The following CD300LB variants were observed in gnomAD, a reference collection of about 807,000 sequenced individuals.
CD300LB encodes CMRF35-like molecule 7.
Under a neutral mutation model 20.8 loss-of-function variants are expected in CD300LB, and 18 were observed. The ratio of observed to expected loss-of-function variants is 0.87; its 90% CI spans 0.60 to 1.28. CD300LB has a LOEUF of 1.28. Among genes scored for constraint, CD300LB ranks in the 50% most tolerant of loss-of-function variants. The pLI is 0.00. For missense variants in CD300LB, 222 were observed against 251.8 expected (o/e 0.88, Z 0.80); for synonymous variants, 91 against 91.3 (o/e 1.00, Z 0.02).
chr17:74,526,438 C>T (rs1908039358), intron 1 of CD300LB, among the ~76,000 whole-genome samples: 1 of 152,212 alleles, frequency 6.6e-6, no homozygotes, highest in South Asian at 2.1e-4. Flanking sequence ...AGGAGCTGGG[C>T]ACGGTGGCTC....
chr17:74,526,599 G>T (rs1398541514), intron 1 of CD300LB, among the ~76,000 whole-genome samples: 2 of 152,210 alleles, frequency 1.3e-5, no homozygotes. Flanking sequence ...TGTAGTCTCA[G>T]CTATGCGGGA....
intron 1 of CD300LB, among the ~76,000 whole-genome samples, chr17:74,527,632 G>A (rs945527334): frequency 2.0e-4 from 30 of 152,188 alleles, no homozygotes; most frequent in African/African-American, 7.0e-4. Flanking sequence ...AGAATATCCC[G>A]AATAATCTCC....
chr17:74,530,795 C>T (rs956226408), intron 1 of CD300LB, among the ~76,000 whole-genome samples: 4 of 147,944 alleles, frequency 2.7e-5, no homozygotes, highest in African/African-American at 9.8e-5. Context: ...ACTAAGCCAT[C>T]TGGAGTCTTT....
chr17:74,528,647 T>C (rs908903470), intron 1 of CD300LB, among the ~76,000 whole-genome samples: 5 of 150,040 alleles, frequency 3.3e-5, no homozygotes, highest in Non-Finnish European at 7.4e-5. Flanking sequence ...TTTTTTTTTC[T>C]TCTTTCAGTC....
In CD300LB at chr17:74,522,490, T is replaced by C. The variant is rs908865160; in HGVS notation, c.*248A>G. On this transcript the variant is annotated 3_prime_UTR_variant, in exon 4 of 4. Transcript: ENST00000392621. ...AGAGTCGTCCAGTGCTTGAGCTCCA[T>C]CTCTACAGCTCCTGACCAAGAGAAC... The C allele has an allele frequency of 4.0e-6, 5 of 1,251,886 alleles. No individual in the cohort carries two copies. Among genetic ancestry groups the C allele is most frequent in the Non-Finnish European group, 5.1e-6 (5 of 989,460 alleles). The allele number at this position is 1,251,886 out of a possible 1,614,324, so 77.5% of individuals were successfully genotyped here. A position where few individuals can be genotyped will look rare whatever the true frequency, so the allele number is the denominator to read the frequency against.
rs932701191 is a variant in CD300LB at position 74,522,572 on chromosome 17, T to C, written c.*166A>G. The C allele has an allele frequency of 1.1e-5, 16 of 1,426,594 alleles. No homozygotes were observed. The highest frequency in any genetic ancestry group is 1.5e-5 in the Non-Finnish European group (16 of 1,091,770). The allele number at this position is 1,426,594 out of a possible 1,614,324, so 88.4% of individuals were successfully genotyped here. ...TCAGGAGAGGACCTGGCTAAGTCCC[T>C]GAGCTGTGCAGAACAGGGAGGTGCC... is the stretch of plus-strand genomic sequence containing the variant. On this transcript the variant is annotated 3_prime_UTR_variant, in exon 4 of 4. Coordinates refer to ENST00000392621, the MANE Select transcript of CD300LB (RefSeq NM_174892.4).
chr17:74,527,011 A>C (rs937164019), intron 1 of CD300LB, among the ~76,000 whole-genome samples: 3 of 152,222 alleles, frequency 2.0e-5, no homozygotes, highest in African/African-American at 7.2e-5. Flanking sequence ...TTTGCAGCTC[A>C]GACTCCCCTT....
chr17:74,527,265 G>A (rs1908063963), intron 1 of CD300LB, among the ~76,000 whole-genome samples: 1 of 152,018 alleles, frequency 6.6e-6, no homozygotes, highest in Non-Finnish European at 1.5e-5. Flanking sequence ...GTGTAGATAG[G>A]CTCTTTCCTT....
chr17:74,521,463 C>T lies in CD300LB; in HGVS notation c.*1275G>A, dbSNP rs533084730. The T allele has an allele frequency of 9.1e-6, 9 of 985,482 alleles. 1 individual carries two copies. In the African/African-American group the frequency reaches 1.4e-4, roughly 15 times the overall value. 61.0% of individuals were successfully genotyped at this position (985,482 alleles called of 1,614,324 possible). A position where few individuals can be genotyped will look rare whatever the true frequency, so the allele number is the denominator to read the frequency against. ...GGGATCTTAGCCGGGCTCGAACTCTCCTCTCTGGCCATTATGGAATTTTCA... is the reference window on the plus strand; with the variant it reads ...GGGATCTTAGCCGGGCTCGAACTCTTCTCTCTGGCCATTATGGAATTTTCA... On this transcript the variant is annotated 3_prime_UTR_variant, in exon 4 of 4. Coordinates refer to ENST00000392621, the MANE Select transcript of CD300LB (RefSeq NM_174892.4).
rs1240244116 is a variant in CD300LB, at chr17:74,522,155, G to A, written c.*583C>T. The A allele has an allele frequency of 1.0e-6, 1 of 985,378 alleles. No homozygotes were observed. Among genetic ancestry groups the A allele is most frequent in the Non-Finnish European group, 1.2e-6 (1 of 829,996 alleles). The allele number at this position is 985,378 out of a possible 1,614,324, so 61.0% of individuals were successfully genotyped here. ...TTCCCATTGCCTCCTCAGCCCTGTG[G>A]ACTCAGAGCCATGTCCTCCCTGGGG... On this transcript the variant is annotated 3_prime_UTR_variant, in exon 4 of 4. Transcript: ENST00000392621.
In CD300LB at chr17:74,531,242, G is replaced by A. The variant is rs1908203679; in HGVS notation, c.40+69C>T. On this transcript the variant is annotated intron_variant, in intron 1 of 3. Transcript: ENST00000392621. ...ACCTCTCATTTCCCTGGATGTGGAA[G>A]GACAAATGCCCTCTGCCTCCTGCCC... The A allele has an allele frequency of 2.8e-6, 4 of 1,443,652 alleles. No homozygotes were observed. In the East Asian group the frequency reaches 8.0e-5, roughly 29 times the overall value. 89.4% of individuals were successfully genotyped at this position (1,443,652 alleles called of 1,614,324 possible). A position where few individuals can be genotyped will look rare whatever the true frequency, so the allele number is the denominator to read the frequency against.
intron 1 of CD300LB, among the ~76,000 whole-genome samples, chr17:74,527,163 G>A (rs1028094877): frequency 6.6e-6 from 1 of 152,224 alleles, no homozygotes; most frequent in Non-Finnish European, 1.5e-5. Context: ...TGTGGCAAGA[G>A]TAACAAAGGC....
At chr17:74,527,098 C>G (rs1449328075) in intron 1 of CD300LB, among the ~76,000 whole-genome samples, 1 of 152,244 alleles carries the variant, frequency 6.6e-6, no homozygotes, top group African/African-American at 2.4e-5. Flanking sequence ...AATGCACTTC[C>G]TCTCCCACCC....
At position 74,522,727 on chromosome 17, in the gene CD300LB, G is replaced by T. The variant is rs1208160033; in HGVS notation, c.*11C>A. ...GTGGCCAGGGCAGGAAGGCTCTGCA[G>T]ATCCATCTCTCTAAGTGGCCATGTC... On this transcript the variant is annotated 3_prime_UTR_variant, in exon 4 of 4. Transcript: ENST00000392621. The T allele has an allele frequency of 1.2e-6, 2 of 1,614,090 alleles. No homozygotes were observed. The highest frequency in any genetic ancestry group is 2.2e-5 in the South Asian group (2 of 91,074).
At position 74,524,326 on chromosome 17, in the gene CD300LB, C is replaced by T. The variant is rs572952729; in HGVS notation, c.371-675G>A. ...CAGGCTGTCCAGGCACGGTGGTTCA[C>T]GCCTGTAATCCCAGCACTTTGGAAG... On this transcript the variant is annotated intron_variant, in intron 2 of 3. Coordinates refer to ENST00000392621, the MANE Select transcript of CD300LB (RefSeq NM_174892.4). Among the ~76,000 whole-genome samples the T allele has an allele frequency of 3.3e-5, 5 of 152,298 alleles. No homozygotes were observed. The East Asian group carries it at 5.8e-4, about 18-fold the overall frequency.
chr17:74,523,928 A>T (rs761717778), intron 2 of CD300LB, among the ~76,000 whole-genome samples: 1 of 152,196 alleles, frequency 6.6e-6, no homozygotes, highest in Non-Finnish European at 1.5e-5. Context: ...AGGTTTTTTC[A>T]TACTTTCTTT....
chr17:74,523,013 C>A, intron 3 of CD300LB, 113 bp from the exon 4 acceptor site: 1 of 1,021,664 alleles, frequency 9.8e-7, no homozygotes, highest in Non-Finnish European at 1.4e-6. Flanking sequence ...CCGGGCAGCC[C>A]CACTCTGAAG....
At chr17:74,529,025 G>C (rs889774755) in intron 1 of CD300LB, among the ~76,000 whole-genome samples, 2 of 152,194 alleles carry the variant, frequency 1.3e-5, no homozygotes, top group African/African-American at 4.8e-5. Flanking sequence ...CACTGCTTGG[G>C]GGGCTGAGGT....
At chr17:74,523,537 G>A in intron 3 of CD300LB, 42 bp downstream of exon 3, 1 of 1,423,694 alleles carries the variant, frequency 7.0e-7, no homozygotes, top group Non-Finnish European at 9.9e-7. Flanking sequence ...CCCCTTAGGA[G>A]GGACCCCAGG....
Sources: gnomAD v4.1 joint callset for allele counts (sites outside exome capture counted in the v4.1 genomes callset) on GRCh38, gnomAD v4.1.1 for gene constraint, MANE v1.5 for transcripts, NCBI Gene and HGNC (gene_info 2026-07-23, HGNC 2026-07-21) for gene names.